Variants in PCDH9 observed in about 807,000 individuals in gnomAD.
PCDH9 encodes protocadherin-9.
A neutral mutation model predicts 70.6 loss-of-function variants in PCDH9; 24 were observed. The observed-to-expected ratio is 0.34, with a 90% CI of 0.25 to 0.48. The LOEUF is 0.48. Ranked by LOEUF, PCDH9 falls within the 20% of genes least tolerant of loss-of-function variation. The pLI is 0.99. For missense variants in PCDH9, 1,281 were observed against 1,503.6 expected (o/e 0.85, Z 2.45); for synonymous variants, 562 against 558.5 (o/e 1.01, Z -0.09).
rs2089881124 is a variant in PCDH9 at position 67,226,658 on chromosome 13, T to G, written c.1783A>C (p.Thr595Pro). The change falls in exon 2 of 5, where the codon ACA becomes CCA. Residue 595 changes from threonine to proline, a missense_variant. Thr to Pro is a conservative substitution (Grantham distance 38). Coordinates refer to ENST00000377865, the MANE Select transcript of PCDH9 (RefSeq NM_203487.3). This position sits in a 1 kb window ranked among gnomAD's most constrained non-coding sequence, Gnocchi z 5.0. ...TCTCCAGCATCTGCATCTGTCACTG[T>G]GATTACCCCCACAGTACTATACTTT... Reference protein sequence around the residue: ...LPKYSTVGVITVTDADAGENK... With the variant: ...LPKYSTVGVIPVTDADAGENK... The G allele has an allele frequency of 1.2e-6, 2 of 1,613,910 alleles. No homozygotes were observed. Among genetic ancestry groups the G allele is most frequent in the Non-Finnish European group, 1.7e-6 (2 of 1,179,894 alleles).
At chr13:66,870,056 G>A (rs1003569397) in intron 3 of PCDH9, among the ~76,000 whole-genome samples, 23 of 152,058 alleles carry the variant, frequency 1.5e-4, no homozygotes, top group Non-Finnish European at 2.9e-4. Context: ...ATGGTTTTAG[G>A]TCTAACATTT....
chr13:66,984,993 A>G (rs1316119925), intron 2 of PCDH9, among the ~76,000 whole-genome samples: 3 of 152,016 alleles, frequency 2.0e-5, no homozygotes, highest in Non-Finnish European at 4.4e-5. Context: ...GCCTTAGGTT[A>G]CTTGCACTTG....
intron 2 of PCDH9, among the ~76,000 whole-genome samples, chr13:67,027,089 A>G (rs1323874797): frequency 6.6e-6 from 1 of 152,082 alleles, no homozygotes; most frequent in Non-Finnish European, 1.5e-5. Context: ...GGAACCAAAA[A>G]AGAGCCCGCA....
chr13:66,647,803 C>T (rs1030949196), intron 3 of PCDH9, among the ~76,000 whole-genome samples: 2 of 151,984 alleles, frequency 1.3e-5, no homozygotes, highest in African/African-American at 4.8e-5. Flanking sequence ...CTCTACCTGC[C>T]CTGGGCTAGA....
intron 4 of PCDH9, among the ~76,000 whole-genome samples, chr13:66,533,694 T>C (rs947519202): frequency 5.9e-5 from 9 of 152,118 alleles, no homozygotes; most frequent in African/African-American, 1.9e-4. Context: ...AAACAGTATG[T>C]TGAGCTTGAT....
intron 3 of PCDH9, among the ~76,000 whole-genome samples, chr13:66,631,721 G>GA (rs1566469432): frequency 6.6e-6 from 1 of 151,958 alleles, no homozygotes; most frequent in East Asian, 1.9e-4. Flanking sequence ...CAAAATTACA[G>GA]AAAAAAATTA....
chr13:66,714,832 G>A (rs1331285523), intron 3 of PCDH9, among the ~76,000 whole-genome samples: 1 of 152,062 alleles, frequency 6.6e-6, no homozygotes, highest in African/African-American at 2.4e-5. Flanking sequence ...AACCATGAAA[G>A]CAGCACATAT....
intron 3 of PCDH9, among the ~76,000 whole-genome samples, chr13:66,754,587 C>T (rs149882928): frequency 3.9e-4 from 60 of 152,098 alleles, no homozygotes; most frequent in African/African-American, 1.1e-3. Context: ...AATCTATAGA[C>T]GCTATAGGAA....
intron 4 of PCDH9, among the ~76,000 whole-genome samples, chr13:66,612,545 C>T (rs73196696): frequency 0.02 from 3,097 of 151,886 alleles, 54 homozygotes; most frequent in Non-Finnish European, 0.034. Context: ...AGAGTAATGA[C>T]GAATAATATT....
intron 4 of PCDH9, among the ~76,000 whole-genome samples, chr13:66,606,182 G>A (rs1050002824): frequency 6.6e-6 from 1 of 152,068 alleles, no homozygotes; most frequent in South Asian, 2.1e-4. Context: ...CAAATGGCTG[G>A]TTCACTGCCT....
intron 2 of PCDH9, among the ~76,000 whole-genome samples, chr13:67,087,086 G>C (rs905057928): frequency 3.3e-5 from 2 of 61,290 alleles, no homozygotes; most frequent in Non-Finnish European, 6.5e-5. Flanking sequence ...TTGATGTTTT[G>C]TAAAAAAAAA....
At chr13:67,219,842 T>A (rs572502035) in intron 2 of PCDH9, 1 of 152,100 alleles carries the variant, frequency 6.6e-6, no homozygotes, top group East Asian at 1.9e-4. Context: ...AGAGAGTAAT[T>A]TCTAGTTATA....
rs1294992295 is a variant in PCDH9, at chr13:66,338,110, GT to G, written c.3341-33083del. Reference sequence around the variant, plus strand: ...GTTTTCATATTCATACATTAGGATGGTAATGTCTACCTCTCAAAATTGCAAA... The same window carrying G: ...GTTTTCATATTCATACATTAGGATGGAATGTCTACCTCTCAAAATTGCAAA... On this transcript the variant is annotated intron_variant, in intron 4 of 4. Coordinates refer to ENST00000377865, the MANE Select transcript of PCDH9 (RefSeq NM_203487.3). Among the ~76,000 whole-genome samples the G allele has an allele frequency of 5.3e-5, 8 of 152,198 alleles. No individual in the cohort carries two copies. The South Asian group carries it at 1.0e-3, about 20-fold the overall frequency.
At chr13:66,907,961 ACGTTATTC>A (rs2082391132) in intron 2 of PCDH9, among the ~76,000 whole-genome samples, 1 of 152,162 alleles carries the variant, frequency 6.6e-6, no homozygotes, top group Middle Eastern at 3.2e-3. Context: ...CCCACTGAAA[ACGTTATTC>A]CTACCCATTT....
chr13:66,785,678 T>C (rs2080068369), intron 3 of PCDH9, among the ~76,000 whole-genome samples: 1 of 152,116 alleles, frequency 6.6e-6, no homozygotes, highest in African/African-American at 2.4e-5. Context: ...TATACTTCCT[T>C]TGATTTGTTA....
At chr13:66,724,347 C>T (rs2078978631) in intron 3 of PCDH9, among the ~76,000 whole-genome samples, 1 of 152,126 alleles carries the variant, frequency 6.6e-6, no homozygotes, top group Admixed American at 6.5e-5. Flanking sequence ...TAAAAAATGG[C>T]CACTAGCAGT....
At chr13:66,758,083 A>T (rs1376134317) in intron 3 of PCDH9, among the ~76,000 whole-genome samples, 1 of 152,114 alleles carries the variant, frequency 6.6e-6, no homozygotes, top group Non-Finnish European at 1.5e-5. Context: ...TCTTATTTTT[A>T]AAATTGAAAT....
chr13:67,090,638 A>G (rs750468159), intron 2 of PCDH9, among the ~76,000 whole-genome samples: 5 of 152,054 alleles, frequency 3.3e-5, no homozygotes, highest in Non-Finnish European at 7.4e-5. Flanking sequence ...CAAAAGGGTT[A>G]TGTAAAATGA....
chr13:66,939,166 C>T (rs2082965798), intron 2 of PCDH9, among the ~76,000 whole-genome samples: 1 of 151,568 alleles, frequency 6.6e-6, no homozygotes, highest in African/African-American at 2.4e-5. Context: ...GTATAAGATT[C>T]CATGTAAAAT....
Sources: gnomAD v4.1 joint callset for allele counts (sites outside exome capture counted in the v4.1 genomes callset) on GRCh38, gnomAD v4.1.1 for gene constraint, Gnocchi (gnomAD v3.1) non-coding constraint, MANE v1.5 for transcripts, NCBI Gene and HGNC (gene_info 2026-07-23, HGNC 2026-07-21) for gene names.